PDE7B: variants seen among roughly 807,000 people sequenced by gnomAD.
PDE7B encodes the protein 3',5'-cyclic-AMP phosphodiesterase 7B.
Under a neutral mutation model 56.2 loss-of-function variants are expected in PDE7B, and 29 were observed. That is an observed-to-expected ratio of 0.52 (90% CI 0.38 to 0.70). The LOEUF is 0.70. Among genes scored for constraint, PDE7B ranks in the 30% least tolerant of loss-of-function variants. PDE7B has a pLI of 0.00. For synonymous variants in PDE7B, 197 were observed against 196.9 expected (o/e 1.00, Z 0.00); for missense variants, 490 against 565.0 (o/e 0.87, Z 1.35).
chr6:136,023,211 A>C (rs568621598), intron 2 of PDE7B, among the ~76,000 whole-genome samples: 1 of 152,294 alleles, frequency 6.6e-6, no homozygotes, highest in South Asian at 2.1e-4. Context: ...TTACTGCACC[A>C]ATGAATAACC....
At chr6:136,167,416 A>G (rs1229993949) in intron 8 of PDE7B, among the ~76,000 whole-genome samples, 3 of 152,102 alleles carry the variant, frequency 2.0e-5, no homozygotes, top group African/African-American at 7.2e-5. Flanking sequence ...TTCTTGTGAT[A>G]ATAAGTCTCA....
intron 6 of PDE7B, among the ~76,000 whole-genome samples, chr6:136,151,519 T>G (rs1473964599): frequency 6.6e-6 from 1 of 152,180 alleles, no homozygotes; most frequent in Admixed American, 6.5e-5. Context: ...GTATAGCTTT[T>G]GACTCTCAAA....
chr6:136,061,614 T>C (rs986334404), intron 2 of PDE7B, among the ~76,000 whole-genome samples: 1 of 152,212 alleles, frequency 6.6e-6, no homozygotes, highest in Admixed American at 6.5e-5. Context: ...AGCTACTTAG[T>C]ACCCTGCAGA....
chr6:136,031,098 G>A (rs1404933541), intron 2 of PDE7B, among the ~76,000 whole-genome samples: 3 of 152,192 alleles, frequency 2.0e-5, no homozygotes, highest in East Asian at 1.9e-4. Flanking sequence ...TTTGGCCTGC[G>A]CCAGCATGAT....
chr6:136,105,188 T>C (rs953535783), intron 2 of PDE7B, among the ~76,000 whole-genome samples: 4 of 152,270 alleles, frequency 2.6e-5, no homozygotes, highest in African/African-American at 9.6e-5. Context: ...TGCTCTTTGA[T>C]TGAACCGTGA....
intron 8 of PDE7B, among the ~76,000 whole-genome samples, chr6:136,171,422 T>TA (rs1397103665): frequency 6.6e-6 from 1 of 152,172 alleles, no homozygotes; most frequent in Non-Finnish European, 1.5e-5. Context: ...ATCAGAACCA[T>TA]AATGACTGCG....
chr6:135,926,858 G>A, intron 1 of PDE7B, among the ~76,000 whole-genome samples: 1 of 152,084 alleles, frequency 6.6e-6, no homozygotes, highest in South Asian at 2.1e-4. Context: ...AGAAAAATCA[G>A]CAGTAGTGAT....
chr6:135,866,791 A>G (rs1352895140), intron 1 of PDE7B, among the ~76,000 whole-genome samples: 1 of 152,238 alleles, frequency 6.6e-6, no homozygotes, highest in Non-Finnish European at 1.5e-5. Context: ...TCGTAAACAC[A>G]TAAAAGATTA....
At chr6:136,074,230 CAAA>C (rs11339717) in intron 2 of PDE7B, among the ~76,000 whole-genome samples, 5 of 120,366 alleles carry the variant, frequency 4.2e-5, no homozygotes, top group South Asian at 2.6e-4. Context: ...GACCTTGTCT[CAAA>C]AAAAAAAAAA....
chr6:136,048,380 G>A (rs1776558042), intron 2 of PDE7B, among the ~76,000 whole-genome samples: 1 of 152,056 alleles, frequency 6.6e-6, no homozygotes, highest in East Asian at 1.9e-4. Context: ...AAAAATTAGA[G>A]GCGTGGTGGT....
intron 1 of PDE7B, among the ~76,000 whole-genome samples, chr6:135,873,125 G>A (rs1169810812): frequency 6.6e-6 from 1 of 152,136 alleles, no homozygotes; most frequent in African/African-American, 2.4e-5. Flanking sequence ...TTGAAGCTGG[G>A]TGAGTGAGCT....
At chr6:136,148,249 G>A (rs946173469) in intron 4 of PDE7B, among the ~76,000 whole-genome samples, 3 of 151,930 alleles carry the variant, frequency 2.0e-5, no homozygotes, top group African/African-American at 7.3e-5. Context: ...CCAGTACTTT[G>A]AGAGGCTGAG....
At chr6:136,104,497 T>G (rs1583883245) in intron 2 of PDE7B, among the ~76,000 whole-genome samples, 2 of 152,286 alleles carry the variant, frequency 1.3e-5, no homozygotes, top group South Asian at 2.1e-4. Flanking sequence ...TAGCCTCTGC[T>G]CCTCTGAGGA....
chr6:136,025,629 T>C (rs1165456174), intron 2 of PDE7B, among the ~76,000 whole-genome samples: 1 of 152,176 alleles, frequency 6.6e-6, no homozygotes, highest in East Asian at 1.9e-4. Flanking sequence ...GAAGGAGCTA[T>C]ATAAGGGTGA....
At chr6:136,097,076 C>A (rs373257793) in intron 2 of PDE7B, among the ~76,000 whole-genome samples, 22 of 152,162 alleles carry the variant, frequency 1.4e-4, no homozygotes, top group Admixed American at 1.2e-3. Context: ...TCCTCCTCCT[C>A]CAACAAGTGA....
chr6:136,135,527 G>A (rs1436063771), intron 3 of PDE7B, among the ~76,000 whole-genome samples: 1 of 151,778 alleles, frequency 6.6e-6, no homozygotes, highest in Non-Finnish European at 1.5e-5. Flanking sequence ...CTCCACACTT[G>A]ATGATGTTAA....
chr6:136,114,420 A>G (rs1264498697), intron 3 of PDE7B, among the ~76,000 whole-genome samples: 1 of 152,038 alleles, frequency 6.6e-6, no homozygotes, highest in Non-Finnish European at 1.5e-5. Context: ...TCTCTTTGAC[A>G]TATAAAACAC....
intron 1 of PDE7B, among the ~76,000 whole-genome samples, chr6:135,915,487 C>G (rs1773893548): frequency 6.6e-6 from 1 of 152,192 alleles, no homozygotes; most frequent in South Asian, 2.1e-4. Flanking sequence ...TTCCTGTAGG[C>G]AAGTCTAATA....
chr6:136,055,639 A>G (rs970571413), intron 2 of PDE7B, among the ~76,000 whole-genome samples: 1 of 152,244 alleles, frequency 6.6e-6, no homozygotes, highest in Non-Finnish European at 1.5e-5. Context: ...TAAAAGATAA[A>G]TATTACACTG....
Sources: allele counts gnomAD v4.1 joint callset (sites outside exome capture counted in the v4.1 genomes callset), GRCh38; gene constraint gnomAD v4.1.1; transcripts MANE v1.5; gene names NCBI Gene and HGNC (gene_info 2026-07-23, HGNC 2026-07-21).